Variants in TBXAS1 observed in about 807,000 individuals in gnomAD.
The protein encoded by TBXAS1 is thromboxane-A synthase.
TBXAS1 carries 48 observed loss-of-function variants against 60.7 expected under a neutral mutation model. The observed-to-expected ratio is 0.79, with a 90% confidence interval of 0.63 to 1.01. The LOEUF (loss-of-function observed/expected upper bound fraction) is 1.01. Ranked by LOEUF, TBXAS1 falls within the 50% of genes least tolerant of loss-of-function variation. The probability of loss-of-function intolerance (pLI) is 0.00; values close to 1 mark genes in which losing one functional copy is unlikely to be tolerated. For synonymous variants in TBXAS1, 287 were observed against 269.7 expected, an observed-to-expected ratio of 1.06 and a Z score of -0.63; for missense variants, 685 against 686.3, an observed-to-expected ratio of 1.00 and a Z score of 0.02.
At chr7:139,841,482 CTTT>C (rs5887936) in intron 1 of TBXAS1, among the ~76,000 whole-genome samples, 24 of 146,434 alleles carry the variant, frequency 1.6e-4, no homozygotes, top group Non-Finnish European at 2.1e-4. Context: ...ATCTATTTCC[CTTT>C]TTTTTTTTTT....
At chr7:140,002,676 G>A (rs1303563651) in intron 9 of TBXAS1, among the ~76,000 whole-genome samples, 1 of 152,160 alleles carries the variant, frequency 6.6e-6, no homozygotes, top group Non-Finnish European at 1.5e-5. Context: ...CGCTAGGGTA[G>A]GTCTCAGACA....
intron 1 of TBXAS1, among the ~76,000 whole-genome samples, chr7:139,857,224 C>G (rs1273035938): frequency 6.6e-6 from 1 of 152,162 alleles, no homozygotes; most frequent in East Asian, 1.9e-4. Flanking sequence ...GGCTTACTGT[C>G]CCCTGACACA....
At chr7:139,960,602 C>T (rs1229904782) in intron 8 of TBXAS1, among the ~76,000 whole-genome samples, 1 of 151,908 alleles carries the variant, frequency 6.6e-6, no homozygotes, top group South Asian at 2.1e-4. Context: ...AAAAATTAGC[C>T]GGGTGTGGTG....
At position 139,922,861 on chromosome 7, in the gene TBXAS1, A is replaced by G. The variant is rs76194447; in HGVS notation, c.333+11540A>G. The stretch of plus-strand genomic sequence containing the variant: ...ATTAATATCCAATTGCCCCAGTACC[A>G]TTGTTGAAAAGACCACCCATTCCCC... On this transcript the variant is annotated intron_variant, in intron 4 of 12. Coordinates refer to ENST00000448866, the MANE Select transcript of TBXAS1 (RefSeq NM_001061.7). 3.0e-4 allele frequency among the ~76,000 whole-genome samples: 45 copies of G among 152,270 alleles called. No homozygotes were observed. In the East Asian group the frequency reaches 7.7e-3, roughly 26 times the overall value.
intron 4 of TBXAS1, among the ~76,000 whole-genome samples, chr7:139,812,257 G>A (rs17161141): frequency 0.01 from 1,525 of 152,256 alleles, 27 homozygotes; most frequent in African/African-American, 0.035. Flanking sequence ...GCTGAATTCC[G>A]ACTGAGCAAA....
chr7:139,800,209 AAT>A (rs1377227429), intron 4 of TBXAS1, among the ~76,000 whole-genome samples: 2 of 152,182 alleles, frequency 1.3e-5, no homozygotes, highest in Non-Finnish European at 2.9e-5. Flanking sequence ...AATGTTTAAA[AAT>A]GCAAATCAGG....
intron 1 of TBXAS1, among the ~76,000 whole-genome samples, chr7:139,847,127 A>G (rs1270095972): frequency 6.6e-6 from 1 of 152,240 alleles, no homozygotes; most frequent in Non-Finnish European, 1.5e-5. Flanking sequence ...AAAATTAAAG[A>G]AAATCTATTT....
chr7:139,936,195 C>A lies in TBXAS1; in HGVS notation c.338C>A (p.Ser113Ter), dbSNP rs545470216. The A allele has an allele frequency of 6.2e-7, 1 of 1,614,166 alleles. No homozygotes were observed. The highest frequency in any genetic ancestry group is 8.5e-7 in the Non-Finnish European group (1 of 1,180,024). Reference sequence around the variant, plus strand: ...CTGCTTGTTACTTCCCAACAGGCGTCGGGTTTGGAGTTCAAGTCGGTAGCC... The same window carrying A: ...CTGCTTGTTACTTCCCAACAGGCGTAGGGTTTGGAGTTCAAGTCGGTAGCC... ...NFSNFTNRMA[S>*]GLEFKSVADS... Residue 113 changes from serine (S) to a stop codon, truncating the protein, a stop_gained, in exon 5 of 13, where the codon TCG (serine) becomes TAG (stop). Coordinates refer to ENST00000448866, the MANE Select transcript of TBXAS1 (RefSeq NM_001061.7). LOFTEE classifies it high-confidence loss of function.
chr7:140,008,647 C>T (rs1032141583), intron 10 of TBXAS1, among the ~76,000 whole-genome samples: 3 of 152,054 alleles, frequency 2.0e-5, no homozygotes, highest in African/African-American at 7.2e-5. Context: ...CGGGGTTTCA[C>T]CACGTTGGCC....
At chr7:139,885,919 G>A (rs2267684) in intron 3 of TBXAS1, among the ~76,000 whole-genome samples, 1 of 152,024 alleles carries the variant, frequency 6.6e-6, no homozygotes, top group Admixed American at 6.5e-5. Context: ...CCGCATACAC[G>A]TTTGAAATTC....
chr7:139,846,244 A>G (rs1376871304), intron 1 of TBXAS1, among the ~76,000 whole-genome samples: 1 of 152,208 alleles, frequency 6.6e-6, no homozygotes, highest in African/African-American at 2.4e-5. Flanking sequence ...CGATCCCTTG[A>G]AAACGCACTA....
chr7:140,010,993 C>T (rs1225638269), intron 10 of TBXAS1, among the ~76,000 whole-genome samples: 5 of 151,170 alleles, frequency 3.3e-5, no homozygotes, highest in East Asian at 1.9e-4. Flanking sequence ...AAAAAACAGT[C>T]CCGGCCGGGT....
At chr7:139,787,878 A>G (rs552533678) in intron 4 of TBXAS1, among the ~76,000 whole-genome samples, 118 of 152,318 alleles carry the variant, frequency 7.7e-4, no homozygotes, top group African/African-American at 2.0e-3. Context: ...AACACATAAG[A>G]CTACAAAAGA....
intron 4 of TBXAS1, among the ~76,000 whole-genome samples, chr7:139,930,731 T>C (rs545708015): frequency 6.6e-6 from 1 of 152,008 alleles, no homozygotes; most frequent in South Asian, 2.1e-4. Flanking sequence ...AGTTAGGGAG[T>C]TTGCACCAGG....
rs980380797 is a variant in TBXAS1, at chr7:139,975,369, C to T, written c.1134+13136C>T. 2.8e-4 allele frequency among the ~76,000 whole-genome samples: 42 copies of T among 152,314 alleles called. No homozygotes were observed. The highest frequency in any genetic ancestry group is 3.4e-3 in the Middle Eastern group (1 of 294). On this transcript the variant is annotated intron_variant, in intron 9 of 12. Transcript: ENST00000448866. The surrounding 1 kb of genome is among the most constrained non-coding windows in gnomAD (Gnocchi z 4.4). ...AGGGCCTAGGTCGGATTGGCACTCACGTTTCCCGACTCCTTAGTCTGTATT... is the reference window on the plus strand; with the variant it reads ...AGGGCCTAGGTCGGATTGGCACTCATGTTTCCCGACTCCTTAGTCTGTATT...
intron 3 of TBXAS1, among the ~76,000 whole-genome samples, chr7:139,907,122 A>T (rs1805166817): frequency 6.6e-6 from 1 of 152,176 alleles, no homozygotes; most frequent in African/African-American, 2.4e-5. Flanking sequence ...TCCCCATCTT[A>T]AGGAAAAGCA....
intron 4 of TBXAS1, among the ~76,000 whole-genome samples, chr7:139,917,152 G>T (rs1806055069): frequency 6.6e-6 from 1 of 152,152 alleles, no homozygotes; most frequent in South Asian, 2.1e-4. Context: ...CACATTACGG[G>T]TCTACAGCTC....
intron 9 of TBXAS1, among the ~76,000 whole-genome samples, chr7:139,977,206 C>A (rs1365752096): frequency 6.6e-6 from 1 of 152,166 alleles, no homozygotes; most frequent in East Asian, 1.9e-4. Flanking sequence ...CGAGACTGGG[C>A]AATTTACAAA....
intron 3 of TBXAS1, among the ~76,000 whole-genome samples, chr7:139,879,828 CATTTTGTGTGT>C (rs1296487263): frequency 6.7e-5 from 9 of 133,834 alleles, no homozygotes; most frequent in African/African-American, 2.4e-4. Flanking sequence ...CCCTTTATCT[CATTTTGTGTGT>C]GTGTGTGTGT....
Sources: allele counts gnomAD v4.1 joint callset (sites outside exome capture counted in the v4.1 genomes callset), GRCh38; gene constraint gnomAD v4.1.1; non-coding constraint Gnocchi (gnomAD v3.1); transcripts MANE v1.5; gene names NCBI Gene and HGNC (gene_info 2026-07-23, HGNC 2026-07-21).